The following PRTN3 variants were observed in gnomAD, a reference collection of about 807,000 sequenced individuals.
PRTN3 encodes myeloblastin.
Under a neutral mutation model 20.7 loss-of-function variants are expected in PRTN3, and 22 were observed. The observed-to-expected ratio is 1.06, with a 90% confidence interval of 0.76 to 1.52. The LOEUF (loss-of-function observed/expected upper bound fraction) is 1.52, where lower values mean the gene tolerates loss of function less well. Among genes scored for constraint, PRTN3 ranks in the 40% most tolerant of loss-of-function variants. The probability of loss-of-function intolerance (pLI) is 0.00; values close to 1 mark genes in which losing one functional copy is unlikely to be tolerated. For synonymous variants in PRTN3, 173 were observed against 152.9 expected, an observed-to-expected ratio of 1.13 and a Z score of -0.97; for missense variants, 378 against 359.6, an observed-to-expected ratio of 1.05 and a Z score of -0.41.
In PRTN3 at chr19:847,901, C is replaced by T. The variant is rs1230219461; in HGVS notation, c.703C>T (p.Arg235Trp). ...CCGCCTTTTCCCTGACTTCTTCACG[C>T]GGGTAGCCCTCTACGTGGACTGGAT... ...ATRLFPDFFT[R>W]VALYVDWIRS... is the part of the protein sequence containing the mutation. Residue 235 changes from arginine (R) to tryptophan (W), a missense_variant, in exon 5 of 5, where the codon CGG (arginine) becomes TGG (tryptophan). Coordinates refer to ENST00000234347, the MANE Select transcript of PRTN3 (RefSeq NM_002777.4). 16 of 1,608,484 alleles carry T rather than the reference C, an allele frequency of 9.9e-6. No homozygotes were observed. Among genetic ancestry groups the T allele is most frequent in the Non-Finnish European group, 1.3e-5 (15 of 1,177,336 alleles).
chr19:847,914 A>G lies in PRTN3; in HGVS notation c.716A>G (p.Tyr239Cys), dbSNP rs1261804729. 1.2e-6 allele frequency: 2 copies of G among 1,608,190 alleles called. No homozygotes were observed. Among genetic ancestry groups the G allele is most frequent in the South Asian group, 1.1e-5 (1 of 89,882 alleles). Residue 239 changes from tyrosine to cysteine, a missense_variant, in exon 5 of 5, where the codon TAC becomes TGC. Physicochemically the swap from Tyr to Cys is radical, Grantham distance 194. Coordinates refer to ENST00000234347, the MANE Select transcript of PRTN3 (RefSeq NM_002777.4). ...FPDFFTRVALYVDWIRSTLRR... is the reference protein window; with the variant it reads ...FPDFFTRVALCVDWIRSTLRR... The stretch of plus-strand genomic sequence containing the variant: ...GACTTCTTCACGCGGGTAGCCCTCT[A>G]CGTGGACTGGATCCGTTCCACGCTG...
chr19:844,156 A>ACTCCC, intron 3 of PRTN3, 122 bp downstream of exon 3: 1 of 1,324,884 alleles, frequency 7.5e-7, no homozygotes, highest in Non-Finnish European at 1.0e-6. Flanking sequence ...AGGCCGCTGC[A>ACTCCC]GCCTGGGTCC....
chr19:843,274 C>G (rs1385387983), intron 1 of PRTN3, 187 bp from the exon 2 acceptor site: 5 of 595,672 alleles, frequency 8.4e-6, no homozygotes, highest in Non-Finnish European at 1.4e-5. Flanking sequence ...GCCACCAGGG[C>G]GCCTTTGGAA....
At chr19:846,122 C>T in intron 3 of PRTN3, 25 bp from the exon 4 acceptor site, 1 of 1,400,840 alleles carries the variant, frequency 7.1e-7, no homozygotes, top group Non-Finnish European at 9.3e-7. Context: ...AGCAGCGTCT[C>T]ACCGCCGCCT....
At chr19:843,168 G>C (rs555196317) in intron 1 of PRTN3, among the ~76,000 whole-genome samples, 14 of 152,098 alleles carry the variant, frequency 9.2e-5, no homozygotes, top group Admixed American at 6.6e-5. Flanking sequence ...CTCCTGCCTC[G>C]GCCTCCCAAA....
At chr19:846,829 A>G (rs693990) in intron 4 of PRTN3, among the ~76,000 whole-genome samples, 152,206 of 152,212 alleles carry the variant, frequency 1, 76,100 homozygotes, top group Middle Eastern at 1. Context: ...TGCAACCTCC[A>G]CCTCCCAGGT....
rs1235498605 is a variant in PRTN3, at chr19:843,551, C to T, written c.152C>T (p.Pro51Leu). The T allele has an allele frequency of 1.3e-6, 2 of 1,599,482 alleles. No individual in the cohort carries two copies. The highest frequency in any genetic ancestry group is 2.7e-5 in the African/African-American group (2 of 74,876). Residue 51 changes from proline (P) to leucine (L), a missense_variant, in exon 2 of 5, where the codon CCG (proline) becomes CTG (leucine). Pro to Leu is a moderately conservative substitution (Grantham distance 98). Transcript: ENST00000234347. ...GCCTCCCTGCAGATGCGGGGGAACC[C>T]GGGCAGCCACTTCTGCGGAGGCACC... ...YMASLQMRGN[P>L]GSHFCGGTLI...
At chr19:847,763 G>C (rs909242007) in intron 4 of PRTN3, 36 bp from the exon 5 acceptor site, 1 of 1,578,372 alleles carries the variant, frequency 6.3e-7, no homozygotes, top group Non-Finnish European at 8.6e-7. Context: ...GACTCAGGTG[G>C]CCCCTGATGG....
At chr19:843,867 G>T (rs376688768) in intron 2 of PRTN3, 26 bp from the exon 3 acceptor site, 2 of 1,568,634 alleles carry the variant, frequency 1.3e-6, no homozygotes, top group South Asian at 2.3e-5. Context: ...CCAGGGCGCC[G>T]AGGAGTGACC....
At chr19:847,691 C>T (rs1031172284) in intron 4 of PRTN3, 108 bp from the exon 5 acceptor site, 226 of 1,371,056 alleles carry the variant, frequency 1.6e-4, no homozygotes, top group Non-Finnish European at 2.0e-4. Context: ...TGGCTGTCCC[C>T]ATCCTCCCGG....
Position 848,121 on chromosome 19 carries a change from G to A in PRTN3, c.*152G>A. On this transcript the variant is annotated 3_prime_UTR_variant, in exon 5 of 5. Coordinates refer to ENST00000234347, the MANE Select transcript of PRTN3 (RefSeq NM_002777.4). ...CACTCCCTCCCACGGGGCTCCGGGA[G>A]ACAGGCCGGCCCTGCACCTCACCCC... The A allele has an allele frequency of 1.0e-6, 1 of 987,330 alleles. No homozygotes were observed. The highest frequency in any genetic ancestry group is 1.5e-6 in the Non-Finnish European group (1 of 688,426). 61.2% of individuals were successfully genotyped at this position (987,330 alleles called of 1,614,324 possible).
In PRTN3 at chr19:847,935, C is replaced by G; in HGVS notation, c.737C>G (p.Thr246Arg). 6.2e-7 allele frequency: 1 copy of G among 1,606,266 alleles called. No homozygotes were observed. Among genetic ancestry groups the G allele is most frequent in the Non-Finnish European group, 8.5e-7 (1 of 1,176,406 alleles). Reference sequence around the variant, plus strand: ...CTCTACGTGGACTGGATCCGTTCCACGCTGCGCCGTGTGGAGGCCAAGGGC... The same window carrying G: ...CTCTACGTGGACTGGATCCGTTCCAGGCTGCGCCGTGTGGAGGCCAAGGGC... Reference protein sequence around the residue: ...VALYVDWIRSTLRRVEAKGRP With the variant: ...VALYVDWIRSRLRRVEAKGRP The change falls in exon 5 of 5, where the codon ACG (threonine) becomes AGG (arginine). Residue 246 changes from threonine (T) to arginine (R), a missense_variant. Transcript: ENST00000234347.
In PRTN3 at chr19:844,085, G is replaced by C. The variant is rs537529940; in HGVS notation, c.369+51G>C. On this transcript the variant is annotated intron_variant, in intron 3 of 4. Transcript: ENST00000234347. ...CGGAGGGGCACGGCCAGAGGGCTCC[G>C]GGACCCCCATTCCTGCAGCCAGCAT... 42 of 1,542,044 alleles carry C rather than the reference G, an allele frequency of 2.7e-5. 2 individuals carry two copies. The South Asian group carries it at 5.0e-4, about 18-fold the overall frequency.
At chr19:841,189 A>G (rs2035433347) in intron 1 of PRTN3, 120 bp downstream of exon 1, 1 of 1,321,224 alleles carries the variant, frequency 7.6e-7, no homozygotes, top group Non-Finnish European at 1.0e-6. Flanking sequence ...AGGCAGGGTC[A>G]GGGGAGACTC....
At chr19:844,147 G>C (rs150219073) in intron 3 of PRTN3, 113 bp downstream of exon 3, 27,829 of 1,369,752 alleles carry the variant, frequency 0.02, 350 homozygotes, top group Non-Finnish European at 0.024. Flanking sequence ...CCACGACCGA[G>C]GCCGCTGCAG....
intron 3 of PRTN3, 117 bp downstream of exon 3, chr19:844,151 G>C: frequency 1.5e-6 from 2 of 1,343,494 alleles, no homozygotes; most frequent in South Asian, 2.9e-5. Flanking sequence ...GACCGAGGCC[G>C]CTGCAGCCTG....
At chr19:847,097 G>A (rs970198195) in intron 4 of PRTN3, among the ~76,000 whole-genome samples, 1 of 152,138 alleles carries the variant, frequency 6.6e-6, no homozygotes, top group Admixed American at 6.6e-5. Context: ...TTTGAGTCCA[G>A]GAGTTCAAGA....
At chr19:843,144 G>A (rs2035466218) in intron 1 of PRTN3, among the ~76,000 whole-genome samples, 1 of 152,098 alleles carries the variant, frequency 6.6e-6, no homozygotes, top group Admixed American at 6.6e-5. Context: ...TTGAACTCCT[G>A]AGCTCAAGGG....
chr19:843,384 G>A (rs2035469019), intron 1 of PRTN3, 77 bp from the exon 2 acceptor site: 4 of 1,416,900 alleles, frequency 2.8e-6, no homozygotes, highest in Non-Finnish European at 2.8e-6. Context: ...GGCTCGGAGA[G>A]GCCCAGGGGC....
Sources: gnomAD v4.1 joint callset for allele counts (sites outside exome capture counted in the v4.1 genomes callset) on GRCh38, gnomAD v4.1.1 for gene constraint, MANE v1.5 for transcripts, NCBI Gene and HGNC (gene_info 2026-07-23, HGNC 2026-07-21) for gene names.